AGBL4: variants seen among roughly 807,000 people sequenced by gnomAD.
AGBL4 encodes cytosolic carboxypeptidase 6.
Under a neutral mutation model 66.4 loss-of-function variants are expected in AGBL4, and 58 were observed. The observed-to-expected ratio is 0.87, with a 90% confidence interval of 0.71 to 1.09. The LOEUF (loss-of-function observed/expected upper bound fraction) is 1.09. AGBL4 is among the 50% of genes least tolerant of loss of function. The probability of loss-of-function intolerance (pLI) is 0.00; values close to 1 mark genes in which losing one functional copy is unlikely to be tolerated. For missense variants in AGBL4, 579 were observed against 631.0 expected, an observed-to-expected ratio of 0.92 and a Z score of 0.88; for synonymous variants, 234 against 222.9, an observed-to-expected ratio of 1.05 and a Z score of -0.44.
chr1:48,633,645 T>A (rs72901110), intron 9 of AGBL4, among the ~76,000 whole-genome samples: 4,440 of 152,254 alleles, frequency 0.029, 195 homozygotes, highest in African/African-American at 0.1. Flanking sequence ...TTTCTCTACC[T>A]CTTCCCATAT....
chr1:49,713,210 T>C (rs1647809492), intron 2 of AGBL4, among the ~76,000 whole-genome samples: 1 of 152,088 alleles, frequency 6.6e-6, no homozygotes, highest in African/African-American at 2.4e-5. Context: ...ATTCCTAACA[T>C]GTTTTCATCA....
At chr1:48,675,144 G>A (rs1046295696) in intron 6 of AGBL4, among the ~76,000 whole-genome samples, 2 of 151,974 alleles carry the variant, frequency 1.3e-5, no homozygotes, top group Admixed American at 1.3e-4. Context: ...GTGTGAAACA[G>A]ACCCCCCCGC....
intron 3 of AGBL4, among the ~76,000 whole-genome samples, chr1:49,273,478 A>T (rs180839221): frequency 6.6e-6 from 1 of 150,684 alleles, no homozygotes; most frequent in African/African-American, 2.4e-5. Context: ...TAAAAAATTT[A>T]AAAATTATAA....
chr1:49,441,141 G>A (rs1010546791), intron 3 of AGBL4, among the ~76,000 whole-genome samples: 14 of 152,102 alleles, frequency 9.2e-5, no homozygotes, highest in African/African-American at 2.4e-4. Context: ...TTAAAGTTCC[G>A]GTGGGCCCCT....
At chr1:49,386,424 T>C (rs952071008) in intron 3 of AGBL4, among the ~76,000 whole-genome samples, 1 of 151,872 alleles carries the variant, frequency 6.6e-6, no homozygotes, top group South Asian at 2.1e-4. Context: ...GATTATATGA[T>C]GTTCTGATGT....
At chr1:49,773,972 A>G (rs751630101) in intron 2 of AGBL4, among the ~76,000 whole-genome samples, 2 of 152,154 alleles carry the variant, frequency 1.3e-5, no homozygotes, top group African/African-American at 2.4e-5. Flanking sequence ...CACCTATGTG[A>G]ATTTAGTGAA....
At chr1:48,608,021 C>T (rs374726639) in intron 9 of AGBL4, among the ~76,000 whole-genome samples, 8 of 152,174 alleles carry the variant, frequency 5.3e-5, no homozygotes, top group East Asian at 3.8e-4. Flanking sequence ...TTATTCCCCA[C>T]GATAAAATAC....
At chr1:49,738,904 T>A (rs1246272883) in intron 2 of AGBL4, among the ~76,000 whole-genome samples, 1 of 152,132 alleles carries the variant, frequency 6.6e-6, no homozygotes, top group Non-Finnish European at 1.5e-5. Context: ...ACCTCATCTG[T>A]ACGTCACCAT....
rs184338774 is a variant in AGBL4, at chr1:49,244,329, T to C, written c.377+1441A>G. Among the ~76,000 whole-genome samples, 5 of 151,942 alleles carry C rather than the reference T, an allele frequency of 3.3e-5. No individual in the cohort carries two copies. The East Asian group carries it at 9.6e-4, about 29-fold the overall frequency. Reference sequence around the variant, plus strand: ...AACAGAGAAATGATTTCTATTATTATCTACTTGGGCTGGAACCAGAGACTC... The same window carrying C: ...AACAGAGAAATGATTTCTATTATTACCTACTTGGGCTGGAACCAGAGACTC... On this transcript the variant is annotated intron_variant, in intron 4 of 13. Transcript: ENST00000371839.
chr1:49,324,866 G>A (rs984911329), intron 3 of AGBL4, among the ~76,000 whole-genome samples: 5 of 152,166 alleles, frequency 3.3e-5, no homozygotes, highest in African/African-American at 1.2e-4. Context: ...ACACATAGTG[G>A]TCTGAGTATG....
intron 2 of AGBL4, among the ~76,000 whole-genome samples, chr1:49,814,634 G>A (rs1645187124): frequency 6.6e-6 from 1 of 152,112 alleles, no homozygotes; most frequent in South Asian, 2.1e-4. Flanking sequence ...CTTTTCTGAA[G>A]GCAAACACTA....
At chr1:49,983,517 C>T (rs889418263) in intron 1 of AGBL4, among the ~76,000 whole-genome samples, 3 of 152,248 alleles carry the variant, frequency 2.0e-5, no homozygotes, top group African/African-American at 2.4e-5. Flanking sequence ...TAGCACAAGT[C>T]ACAGGCAGCC....
intron 3 of AGBL4, among the ~76,000 whole-genome samples, chr1:49,293,878 T>C (rs2148431439): frequency 6.6e-6 from 1 of 152,340 alleles, no homozygotes; most frequent in East Asian, 1.9e-4. Context: ...GACAATAGGG[T>C]ATTTTATACC....
At chr1:48,553,899 T>C (rs1236481855) in intron 11 of AGBL4, among the ~76,000 whole-genome samples, 1 of 152,116 alleles carries the variant, frequency 6.6e-6, no homozygotes, top group African/African-American at 2.4e-5. Flanking sequence ...AGACTTGAAA[T>C]GGAATGAACA....
chr1:49,534,829 C>T (rs1336069903), intron 3 of AGBL4, among the ~76,000 whole-genome samples: 1 of 152,254 alleles, frequency 6.6e-6, no homozygotes, highest in Non-Finnish European at 1.5e-5. Flanking sequence ...CACCAGATCA[C>T]ACCGTGAAGT....
chr1:48,763,293 G>T (rs1300509151), intron 6 of AGBL4, among the ~76,000 whole-genome samples: 1 of 152,168 alleles, frequency 6.6e-6, no homozygotes, highest in Non-Finnish European at 1.5e-5. Context: ...TGCACTCATT[G>T]TGCCTATAAA....
At chr1:49,869,778 G>A (rs767227588) in intron 1 of AGBL4, among the ~76,000 whole-genome samples, 2 of 152,084 alleles carry the variant, frequency 1.3e-5, no homozygotes, top group African/African-American at 4.8e-5. Context: ...TGGATCTTAC[G>A]AAGATAAAGA....
At chr1:49,882,983 C>T (rs1276125825) in intron 1 of AGBL4, among the ~76,000 whole-genome samples, 1 of 152,034 alleles carries the variant, frequency 6.6e-6, no homozygotes, top group Non-Finnish European at 1.5e-5. Context: ...GAGCTTAGTA[C>T]CTACCTCTGC....
Position 48,969,776 on chromosome 1 carries a change from A to G in AGBL4, c.594+75808T>C, listed in dbSNP as rs1323578653. On this transcript the variant is annotated intron_variant, in intron 5 of 13. Transcript: ENST00000371839. ...CTCCTTCAGCATCTAGGGCCAATCT[A>G]CCCTATAGGATTGCTGTAATAGTAT... Among the ~76,000 whole-genome samples, 6 of 152,248 alleles carry G rather than the reference A, an allele frequency of 3.9e-5. No individual in the cohort carries two copies. The South Asian group carries it at 8.3e-4, about 21-fold the overall frequency.
Sources: gnomAD v4.1 joint callset for allele counts (sites outside exome capture counted in the v4.1 genomes callset) on GRCh38, gnomAD v4.1.1 for gene constraint, MANE v1.5 for transcripts, NCBI Gene and HGNC (gene_info 2026-07-23, HGNC 2026-07-21) for gene names.